TRPS1: variants seen among roughly 807,000 people sequenced by gnomAD.
TRPS1 encodes the protein transcriptional repressor GATA binding 1.
Under a neutral mutation model 101.2 loss-of-function variants are expected in TRPS1, and 6 were observed. That is an observed-to-expected ratio of 0.06 (90% CI 0.03 to 0.12). The LOEUF (loss-of-function observed/expected upper bound fraction) is 0.12, where lower values mean the gene tolerates loss of function less well. TRPS1 is among the 10% of genes least tolerant of loss of function. TRPS1 has a pLI of 1.00. For synonymous variants in TRPS1, 578 were observed against 589.8 expected, an observed-to-expected ratio of 0.98 and a Z score of 0.29; for missense variants, 1,363 against 1,567.0, an observed-to-expected ratio of 0.87 and a Z score of 2.20.
intron 5 of TRPS1, among the ~76,000 whole-genome samples, chr8:115,524,631 T>G (rs1351893254): frequency 6.6e-6 from 1 of 152,146 alleles, no homozygotes; most frequent in Non-Finnish European, 1.5e-5. Context: ...TTCTTCTTAT[T>G]TCTAAGAGTA....
chr8:115,555,866 A>T (rs938730393), intron 5 of TRPS1, among the ~76,000 whole-genome samples: 26 of 73,352 alleles, frequency 3.5e-4, no homozygotes, highest in Admixed American at 8.0e-4. Context: ...CAAACAAACA[A>T]ACAAAAAAAA....
intron 5 of TRPS1, among the ~76,000 whole-genome samples, chr8:115,459,557 G>A (rs918874530): frequency 8.5e-5 from 13 of 152,100 alleles, no homozygotes; most frequent in Admixed American, 7.2e-4. Context: ...GAATGACAAA[G>A]TTAAATGAGA....
At chr8:115,484,861 A>C (rs1360153478) in intron 5 of TRPS1, among the ~76,000 whole-genome samples, 2 of 152,162 alleles carry the variant, frequency 1.3e-5, no homozygotes, top group East Asian at 3.8e-4. Context: ...CCAGTCTTGG[A>C]GAATCAGTTG....
rs570625802 is a variant in TRPS1 at position 115,579,527 on chromosome 8, C to T, written c.2700+7474G>A. Reference sequence around the variant, plus strand: ...CAGGGATCTTATCACTTCCTTCACACAAAATATCATTTTAACCAGAAATCT... The same window carrying T: ...CAGGGATCTTATCACTTCCTTCACATAAAATATCATTTTAACCAGAAATCT... On this transcript the variant is annotated intron_variant, in intron 5 of 6. Transcript: ENST00000395715. Among the ~76,000 whole-genome samples, 6 of 152,202 alleles carry T rather than the reference C, an allele frequency of 3.9e-5. No homozygotes were observed. In the South Asian group the frequency reaches 1.2e-3, roughly 32 times the overall value.
intron 5 of TRPS1, among the ~76,000 whole-genome samples, chr8:115,423,624 C>G (rs959175998): frequency 1.4e-4 from 21 of 152,106 alleles, no homozygotes; most frequent in African/African-American, 5.1e-4. Context: ...AACAAACAAA[C>G]AAACAAAACA....
intron 1 of TRPS1, among the ~76,000 whole-genome samples, chr8:115,630,355 C>G (rs1012945792): frequency 1.3e-5 from 2 of 151,832 alleles, no homozygotes; most frequent in Non-Finnish European, 2.9e-5. Flanking sequence ...AAGAATCTAT[C>G]TAAACATACA....
chr8:115,667,087 T>C (rs977510214), intron 1 of TRPS1, among the ~76,000 whole-genome samples: 4 of 152,184 alleles, frequency 2.6e-5, no homozygotes, highest in African/African-American at 9.7e-5. Context: ...CAAAAAACTT[T>C]CAAAGCATCA....
Position 115,483,477 on chromosome 8 carries a change from G to A in TRPS1, c.2701-65025C>T, listed in dbSNP as rs377014576. ...TGAGCCTGGAGGTCAAGGCTTCAGT[G>A]AGCTGTAATCATGCTACTGCACTCC... On this transcript the variant is annotated intron_variant, in intron 5 of 6. Coordinates refer to ENST00000395715, the MANE Select transcript of TRPS1 (RefSeq NM_014112.5). Among the ~76,000 whole-genome samples the A allele has an allele frequency of 2.7e-4, 41 of 149,978 alleles. No individual in the cohort carries two copies. The East Asian group carries it at 7.7e-3, about 28-fold the overall frequency.
intron 5 of TRPS1, among the ~76,000 whole-genome samples, chr8:115,492,799 C>G (rs1191686438): frequency 6.6e-6 from 1 of 152,012 alleles, no homozygotes; most frequent in Non-Finnish European, 1.5e-5. Flanking sequence ...CTGCAACCAC[C>G]ACCTCCCAGG....
intron 1 of TRPS1, among the ~76,000 whole-genome samples, chr8:115,635,857 T>C (rs1208700188): frequency 1.3e-5 from 2 of 152,184 alleles, no homozygotes; most frequent in Admixed American, 6.5e-5. Context: ...GATTAACACA[T>C]AAATGTTGTA....
At chr8:115,444,055 G>A (rs530163028) in intron 5 of TRPS1, among the ~76,000 whole-genome samples, 13 of 152,158 alleles carry the variant, frequency 8.5e-5, no homozygotes, top group South Asian at 2.1e-4. Context: ...TCACTCCTTC[G>A]CCATGTAGTT....
At chr8:115,610,534 C>T (rs1818138362) in intron 3 of TRPS1, among the ~76,000 whole-genome samples, 2 of 152,142 alleles carry the variant, frequency 1.3e-5, no homozygotes, top group African/African-American at 2.4e-5. Flanking sequence ...AGGTTTATTC[C>T]TATCAGTGAC....
intron 5 of TRPS1, among the ~76,000 whole-genome samples, chr8:115,554,442 C>T (rs961861024): frequency 6.6e-6 from 1 of 152,152 alleles, no homozygotes; most frequent in Non-Finnish European, 1.5e-5. Flanking sequence ...CCACCCCTTT[C>T]CTAGAACCAA....
rs572768686 is a variant in TRPS1 at position 115,608,908 on chromosome 8, C to T, written c.967-3906G>A. Among the ~76,000 whole-genome samples the T allele has an allele frequency of 9.9e-5, 15 of 152,196 alleles. 1 individual carries two copies. Among genetic ancestry groups the T allele is most frequent in the South Asian group, 4.1e-4 (2 of 4,828 alleles). The stretch of plus-strand genomic sequence containing the variant: ...TCACCCAGGCTGGAGTGCAATGTCA[C>T]GATCTCCGCTCACTGTCACCTCTGC... On this transcript the variant is annotated intron_variant, in intron 3 of 6. Coordinates refer to ENST00000395715, the MANE Select transcript of TRPS1 (RefSeq NM_014112.5).
rs375345428 is a variant in TRPS1, at chr8:115,649,896, T to C, written c.-122+18649A>G. On this transcript the variant is annotated intron_variant, in intron 1 of 6. Transcript: ENST00000395715. ...AGCACACATGCTGTACAGCTGGCAATAGAGGCATCTTCAACAGCATCCACT... is the reference window on the plus strand; with the variant it reads ...AGCACACATGCTGTACAGCTGGCAACAGAGGCATCTTCAACAGCATCCACT... Among the ~76,000 whole-genome samples the C allele has an allele frequency of 2.4e-4, 36 of 152,302 alleles. No homozygotes were observed. In the East Asian group the frequency reaches 4.6e-3, roughly 20 times the overall value.
intron 5 of TRPS1, among the ~76,000 whole-genome samples, chr8:115,583,889 T>C (rs1288619995): frequency 1.3e-5 from 2 of 151,976 alleles, no homozygotes; most frequent in Non-Finnish European, 2.9e-5. Context: ...AGCCAAACAC[T>C]GACCCTGACA....
At chr8:115,456,209 G>C (rs1407905495) in intron 5 of TRPS1, among the ~76,000 whole-genome samples, 1 of 152,104 alleles carries the variant, frequency 6.6e-6, no homozygotes, top group African/African-American at 2.4e-5. Context: ...AACGAAGTGT[G>C]GAATATAAAG....
intron 5 of TRPS1, among the ~76,000 whole-genome samples, chr8:115,436,938 AGT>A (rs1442490566): frequency 2.6e-5 from 4 of 151,870 alleles, no homozygotes; most frequent in Non-Finnish European, 5.9e-5. Context: ...ATAAAAAAAA[AGT>A]CAATACATTT....
Position 115,605,008 on chromosome 8 carries a change from G to T in TRPS1, c.967-6C>A. On this transcript the variant is annotated splice_polypyrimidine_tract_variant and splice_region_variant and intron_variant, in intron 3 of 6. Transcript: ENST00000395715. ...AATGTTCCACCTGAAGTCACCTGGA[G>T]AACAGAAGAAATGGACTTTACTTCC... The T allele has an allele frequency of 6.2e-7, 1 of 1,612,230 alleles. No homozygotes were observed. The highest frequency in any genetic ancestry group is 8.5e-7 in the Non-Finnish European group (1 of 1,179,834).
Sources: allele counts gnomAD v4.1 joint callset (sites outside exome capture counted in the v4.1 genomes callset), GRCh38; gene constraint gnomAD v4.1.1; transcripts MANE v1.5; gene names NCBI Gene and HGNC (gene_info 2026-07-23, HGNC 2026-07-21).